CSTF3: variants seen among roughly 807,000 people sequenced by gnomAD.
CSTF3 encodes CF-1 77 kDa subunit.
Under a neutral mutation model 105.8 loss-of-function variants are expected in CSTF3, and 29 were observed. The observed-to-expected ratio is 0.27, with a 90% confidence interval of 0.20 to 0.37. The LOEUF (loss-of-function observed/expected upper bound fraction) is 0.37, where lower values mean the gene tolerates loss of function less well. CSTF3 is among the 10% of genes least tolerant of loss of function. The pLI, the probability that CSTF3 is intolerant of heterozygous loss-of-function variation, is 1.00. For synonymous variants in CSTF3, 252 were observed against 281.9 expected (o/e 0.89, Z 1.06); for missense variants, 357 against 879.3 (o/e 0.41, Z 7.51).
chr11:33,136,726 T>C (rs1210732111), intron 3 of CSTF3, among the ~76,000 whole-genome samples: 1 of 151,940 alleles, frequency 6.6e-6, no homozygotes, highest in East Asian at 1.9e-4. Context: ...AGCTCTGTGA[T>C]ATTATGAGGG....
At chr11:33,112,282 T>G (rs1289525250) in intron 3 of CSTF3, among the ~76,000 whole-genome samples, 1 of 152,068 alleles carries the variant, frequency 6.6e-6, no homozygotes, top group Non-Finnish European at 1.5e-5. Flanking sequence ...ATCAATGTGC[T>G]TTGGAGATTA....
chr11:33,150,075 C>T (rs1462467238), intron 1 of CSTF3, among the ~76,000 whole-genome samples: 5 of 151,226 alleles, frequency 3.3e-5, no homozygotes, highest in South Asian at 4.2e-4. Flanking sequence ...ATTAGCGGGG[C>T]GTGGTGGCAG....
At chr11:33,123,264 T>C in intron 3 of CSTF3, among the ~76,000 whole-genome samples, 1 of 150,110 alleles carries the variant, frequency 6.7e-6, no homozygotes. Context: ...AAAATGAAAA[T>C]ATGCTCAATC....
chr11:33,148,031 A>G (rs931825822), intron 1 of CSTF3, among the ~76,000 whole-genome samples: 1 of 152,130 alleles, frequency 6.6e-6, no homozygotes, highest in African/African-American at 2.4e-5. Context: ...GCATTTAGAG[A>G]GCTATTTAAA....
At chr11:33,096,622 C>A (rs964089374) in intron 14 of CSTF3, among the ~76,000 whole-genome samples, 2 of 152,036 alleles carry the variant, frequency 1.3e-5, no homozygotes, top group African/African-American at 4.8e-5. Flanking sequence ...ATTAATAAAG[C>A]ACAAATTAGA....
chr11:33,116,023 C>A (rs1357354048), intron 3 of CSTF3, among the ~76,000 whole-genome samples: 1 of 152,150 alleles, frequency 6.6e-6, no homozygotes, highest in Non-Finnish European at 1.5e-5. Context: ...TTTCAATTAT[C>A]CAGGCCCTTA....
intron 1 of CSTF3, among the ~76,000 whole-genome samples, chr11:33,151,902 A>G (rs1273380246): frequency 1.3e-5 from 2 of 152,146 alleles, no homozygotes; most frequent in Non-Finnish European, 2.9e-5. Flanking sequence ...GTCTGAAGTG[A>G]TATCTCATTG....
In CSTF3 at chr11:33,099,088, G is replaced by A; in HGVS notation, c.999C>T (p.Ser333=). 3 of 1,583,398 alleles carry A rather than the reference G, an allele frequency of 1.9e-6. No individual in the cohort carries two copies. Among genetic ancestry groups the A allele is most frequent in the Non-Finnish European group, 2.6e-6 (3 of 1,173,668 alleles). ...GAAGCATATTCTTCTTCAATAAAGT[G>A]CTTATGGCTCTTTCATATATATTAG... ...EAANIYERAI[S]TLLKKNMLLY... Residue 333 remains serine, a synonymous_variant, in exon 12 of 21, where the codon AGC becomes AGT. Transcript: ENST00000323959. This position sits in a 1 kb window ranked among gnomAD's most constrained non-coding sequence, Gnocchi z 4.1.
chr11:33,108,030 C>A, intron 4 of CSTF3, 30 bp from the exon 5 acceptor site: 1 of 1,388,956 alleles, frequency 7.2e-7, no homozygotes, highest in East Asian at 2.4e-5. Context: ...TTATCAGAAT[C>A]CAGTTAAATA....
intron 1 of CSTF3, among the ~76,000 whole-genome samples, chr11:33,154,984 C>A (rs1470257519): frequency 6.6e-6 from 1 of 151,880 alleles, no homozygotes; most frequent in Admixed American, 6.6e-5. Flanking sequence ...AACATGTATC[C>A]TACAATACAA....
chr11:33,108,558 G>T (rs758232560), intron 3 of CSTF3, 140 bp from the exon 4 acceptor site: 15 of 551,986 alleles, frequency 2.7e-5, no homozygotes, highest in African/African-American at 3.9e-5. Flanking sequence ...AAAAATAACA[G>T]AAGTGTGAAG....
At chr11:33,158,074 TG>T (rs1445997106) in intron 1 of CSTF3, among the ~76,000 whole-genome samples, 1 of 152,174 alleles carries the variant, frequency 6.6e-6, no homozygotes, top group East Asian at 1.9e-4. Context: ...TTCGAAGTAA[TG>T]GGGGTGAGAG....
At chr11:33,135,715 G>C (rs1302762082) in intron 3 of CSTF3, among the ~76,000 whole-genome samples, 1 of 152,082 alleles carries the variant, frequency 6.6e-6, no homozygotes, top group African/African-American at 2.4e-5. Context: ...TCTGGTGAAT[G>C]AAAAAATTTC....
chr11:33,159,759 ACT>A (rs899269012), intron 1 of CSTF3, among the ~76,000 whole-genome samples: 32 of 152,048 alleles, frequency 2.1e-4, no homozygotes, highest in African/African-American at 7.5e-4. Context: ...AGTGACAAAG[ACT>A]CTGTTCTCAA....
At chr11:33,134,983 G>A (rs1855637651) in intron 3 of CSTF3, among the ~76,000 whole-genome samples, 1 of 152,086 alleles carries the variant, frequency 6.6e-6, no homozygotes. Context: ...TGGCACTCTT[G>A]TTCAAACTCT....
intron 7 of CSTF3, 27 bp downstream of exon 7, chr11:33,105,856 G>T: frequency 1.3e-6 from 2 of 1,537,778 alleles, no homozygotes; most frequent in Non-Finnish European, 1.8e-6. Context: ...AACTGTAGAT[G>T]TAAAAAAAAA....
chr11:33,104,207 C>A (rs1565005556), intron 8 of CSTF3, among the ~76,000 whole-genome samples: 3 of 152,160 alleles, frequency 2.0e-5, no homozygotes, highest in Admixed American at 2.0e-4. Context: ...ATAAACATTA[C>A]CACTCAGTGA....
chr11:33,152,577 T>A (rs1208366939), intron 1 of CSTF3, among the ~76,000 whole-genome samples: 1 of 152,180 alleles, frequency 6.6e-6, no homozygotes, highest in East Asian at 1.9e-4. Context: ...CTCAGAGAAA[T>A]AGAACTTACA....
At chr11:33,086,162 G>A (rs985123043) in intron 18 of CSTF3, among the ~76,000 whole-genome samples, 173 bp from the exon 19 acceptor site, 2 of 152,252 alleles carry the variant, frequency 1.3e-5, no homozygotes, top group East Asian at 1.9e-4. Context: ...TCTCAATGCC[G>A]TGGCCACTGG....
Sources: allele counts gnomAD v4.1 joint callset (sites outside exome capture counted in the v4.1 genomes callset), GRCh38; gene constraint gnomAD v4.1.1; non-coding constraint Gnocchi (gnomAD v3.1); transcripts MANE v1.5; gene names NCBI Gene and HGNC (gene_info 2026-07-23, HGNC 2026-07-21).